The following CCDC91 variants were observed in gnomAD, a reference collection of about 807,000 sequenced individuals.
CCDC91 encodes coiled-coil domain-containing protein 91.
Under a neutral mutation model 63.2 loss-of-function variants are expected in CCDC91, and 48 were observed. The ratio of observed to expected loss-of-function variants is 0.76; its 90% CI spans 0.60 to 0.97. The LOEUF is 0.97. CCDC91 is among the 50% of genes least tolerant of loss of function. The pLI is 0.00. For missense variants in CCDC91, 500 were observed against 494.6 expected, an observed-to-expected ratio of 1.01 and a Z score of -0.10; for synonymous variants, 167 against 165.8, an observed-to-expected ratio of 1.01 and a Z score of -0.06.
At chr12:28,417,289 A>G (rs1420584211) in intron 8 of CCDC91, among the ~76,000 whole-genome samples, 1 of 151,840 alleles carries the variant, frequency 6.6e-6, no homozygotes, top group East Asian at 1.9e-4. Flanking sequence ...AACATTTGTC[A>G]TTTTGAAAGT....
At chr12:28,356,165 G>A (rs1943512700) in intron 6 of CCDC91, among the ~76,000 whole-genome samples, 1 of 152,126 alleles carries the variant, frequency 6.6e-6, no homozygotes, top group Admixed American at 6.5e-5. Context: ...TAGAGGTGGA[G>A]ACTAAACATT....
chr12:28,324,698 C>T (rs66855527), intron 6 of CCDC91, among the ~76,000 whole-genome samples: 3 of 150,920 alleles, frequency 2.0e-5, no homozygotes, highest in African/African-American at 4.8e-5. Flanking sequence ...AATAATAATA[C>T]TTCCTTTTTG....
chr12:28,362,595 A>T, intron 7 of CCDC91, 80 bp downstream of exon 7: 2 of 783,468 alleles, frequency 2.6e-6, no homozygotes. Context: ...ATGTGCAAAC[A>T]TATACAAATT....
intron 3 of CCDC91, among the ~76,000 whole-genome samples, chr12:28,279,328 G>A (rs1592186003): frequency 6.6e-6 from 1 of 152,106 alleles, no homozygotes; most frequent in South Asian, 2.1e-4. Context: ...CTTTGAAATA[G>A]CATCTTATGA....
chr12:28,274,054 C>G (rs1002130982), intron 3 of CCDC91, among the ~76,000 whole-genome samples: 3 of 152,174 alleles, frequency 2.0e-5, no homozygotes, highest in Non-Finnish European at 4.4e-5. Flanking sequence ...CAGCTTTCTG[C>G]ATATGGCTAG....
At chr12:28,260,105 A>T (rs1946730124) in intron 3 of CCDC91, among the ~76,000 whole-genome samples, 1 of 152,018 alleles carries the variant, frequency 6.6e-6, no homozygotes, top group Non-Finnish European at 1.5e-5. Context: ...CACTATGGGG[A>T]TATAGAGATG....
chr12:28,362,551 G>A, intron 7 of CCDC91, 36 bp downstream of exon 7: 2 of 1,362,550 alleles, frequency 1.5e-6, no homozygotes, highest in East Asian at 2.4e-5. Context: ...TTTAAACCTT[G>A]GATAACTTTA....
chr12:28,201,196 G>T (rs992847110), intron 1 of CCDC91, among the ~76,000 whole-genome samples: 2 of 151,356 alleles, frequency 1.3e-5, no homozygotes, highest in East Asian at 2.0e-4. Flanking sequence ...CCCAGACGGG[G>T]TGACTGCTGG....
chr12:28,537,866 C>A (rs1407933264), intron 12 of CCDC91, among the ~76,000 whole-genome samples: 1 of 152,130 alleles, frequency 6.6e-6, no homozygotes, highest in Non-Finnish European at 1.5e-5. Flanking sequence ...CTGCCACTCT[C>A]ATTTCTTGGC....
At chr12:28,395,042 C>CAG (rs1210588441) in intron 8 of CCDC91, among the ~76,000 whole-genome samples, 12 of 152,160 alleles carry the variant, frequency 7.9e-5, no homozygotes, top group South Asian at 6.2e-4. Flanking sequence ...TAGCTAGTAT[C>CAG]AGAACCAGGG....
intron 12 of CCDC91, among the ~76,000 whole-genome samples, chr12:28,528,257 T>TAGCAAGCCCACAGGGGGACCCTAG (rs1941443383): frequency 2.0e-5 from 3 of 152,090 alleles, no homozygotes; most frequent in African/African-American, 2.4e-5. Flanking sequence ...TAGGGGACCC[T>TAGCAAGCCCACAGGGGGACCCTAG]AGCAAGCCCA....
At chr12:28,492,215 G>GT (rs1313533077) in intron 12 of CCDC91, among the ~76,000 whole-genome samples, 29 of 149,900 alleles carry the variant, frequency 1.9e-4, no homozygotes, top group South Asian at 4.2e-4. Context: ...CAGTATAAAT[G>GT]TTTTTTTTTC....
chr12:28,398,495 G>A (rs1191684517), intron 8 of CCDC91, among the ~76,000 whole-genome samples: 2 of 152,020 alleles, frequency 1.3e-5, no homozygotes, highest in African/African-American at 2.4e-5. Flanking sequence ...AACTGTGTGG[G>A]GATATATATG....
Position 28,307,688 on chromosome 12 carries a change from G to T in CCDC91, c.515G>T (p.Gly172Val), listed in dbSNP as rs148160409. The T allele has an allele frequency of 6.3e-7, 1 of 1,589,076 alleles. No individual in the cohort carries two copies. The highest frequency in any genetic ancestry group is 8.6e-7 in the Non-Finnish European group (1 of 1,167,064). Residue 172 changes from glycine (G) to valine (V), a missense_variant, in exon 6 of 13, where the codon GGC becomes GTC. Gly to Val is a moderately radical substitution (Grantham distance 109). Transcript: ENST00000536442. ...GAAAAGCATAATGTCTTAGAAAAAG[G>T]CTTTCTAAAAGAAAAAGAGCAAGAG... is the stretch of plus-strand genomic sequence containing the variant. ...LMEKHNVLEK[G>V]FLKEKEQEAI...
At position 28,519,116 on chromosome 12, in the gene CCDC91, GA is replaced by G. The variant is rs1332011466; in HGVS notation, c.1216-29945del. Among the ~76,000 whole-genome samples, 4 of 151,856 alleles carry G rather than the reference GA, an allele frequency of 2.6e-5. No homozygotes were observed. In the East Asian group the frequency reaches 5.8e-4, roughly 22 times the overall value. On this transcript the variant is annotated intron_variant, in intron 12 of 12. Transcript: ENST00000536442. ...GTGGTATTTTGATAGGAATTGCATT[GA>G]ATTTGTAGATTGCTTTTGGCAGTAT...
chr12:28,545,256 A>G (rs2141858750), intron 12 of CCDC91, among the ~76,000 whole-genome samples: 1 of 152,194 alleles, frequency 6.6e-6, no homozygotes, highest in South Asian at 2.1e-4. Context: ...ACTAAGTCCC[A>G]TACCTTAAGG....
chr12:28,538,593 A>G (rs555140049), intron 12 of CCDC91, among the ~76,000 whole-genome samples: 1 of 152,258 alleles, frequency 6.6e-6, no homozygotes, highest in South Asian at 2.1e-4. Flanking sequence ...TTATAGCAGC[A>G]TGATTTATAA....
At chr12:28,499,061 T>A (rs1209335356) in intron 12 of CCDC91, among the ~76,000 whole-genome samples, 2 of 151,630 alleles carry the variant, frequency 1.3e-5, no homozygotes, top group African/African-American at 4.8e-5. Context: ...ACTAAGCAGC[T>A]TTCTGATTGT....
intron 3 of CCDC91, among the ~76,000 whole-genome samples, chr12:28,268,047 T>C (rs1164371684): frequency 7.2e-6 from 1 of 138,344 alleles, no homozygotes; most frequent in Admixed American, 8.0e-5. Context: ...AATTAAAAAT[T>C]AAAAATTAAA....
Sources: gnomAD v4.1 joint callset for allele counts (sites outside exome capture counted in the v4.1 genomes callset) on GRCh38, gnomAD v4.1.1 for gene constraint, MANE v1.5 for transcripts, NCBI Gene and HGNC (gene_info 2026-07-23, HGNC 2026-07-21) for gene names.